The following PTPRD variants were observed in gnomAD, a reference collection of about 807,000 sequenced individuals.
PTPRD encodes protein tyrosine phosphatase receptor type D.
A neutral mutation model predicts 214.5 loss-of-function variants in PTPRD; 34 were observed. That is an observed-to-expected ratio of 0.16 (90% CI 0.12 to 0.21). The LOEUF is 0.21. Among genes scored for constraint, PTPRD ranks in the 10% least tolerant of loss-of-function variants. PTPRD has a pLI of 1.00. For synonymous variants in PTPRD, 1,128 were observed against 845.7 expected (o/e 1.33, Z -5.79); for missense variants, 2,545 against 2,398.7 (o/e 1.06, Z -1.27).
At chr9:8,819,304 T>C (rs549333366) in intron 11 of PTPRD, among the ~76,000 whole-genome samples, 1 of 152,228 alleles carries the variant, frequency 6.6e-6, no homozygotes, top group East Asian at 1.9e-4. Flanking sequence ...ATATGTGAGG[T>C]AGACTGATCT....
chr9:10,082,617 A>G (rs2098258796), intron 3 of PTPRD, among the ~76,000 whole-genome samples: 1 of 152,018 alleles, frequency 6.6e-6, no homozygotes, highest in Non-Finnish European at 1.5e-5. Context: ...TGAGCATTTG[A>G]GAAGTTATAA....
At chr9:10,379,884 G>A in intron 2 of PTPRD, among the ~76,000 whole-genome samples, 1 of 152,066 alleles carries the variant, frequency 6.6e-6, no homozygotes, top group Middle Eastern at 3.4e-3. Flanking sequence ...TTTAGTTAAT[G>A]TATTTTATTT....
chr9:9,517,457 T>C (rs1307402321), intron 8 of PTPRD, among the ~76,000 whole-genome samples: 1 of 152,058 alleles, frequency 6.6e-6, no homozygotes, highest in Non-Finnish European at 1.5e-5. Flanking sequence ...TAGAGTTAAT[T>C]AAAGATGGCC....
chr9:10,135,427 T>A (rs1259418539), intron 3 of PTPRD, among the ~76,000 whole-genome samples: 1 of 152,038 alleles, frequency 6.6e-6, no homozygotes, highest in East Asian at 1.9e-4. Flanking sequence ...TACATAGTCA[T>A]CGGATTCGCC....
At chr9:8,491,382 G>A (rs769830536) in intron 27 of PTPRD, among the ~76,000 whole-genome samples, 7 of 152,124 alleles carry the variant, frequency 4.6e-5, no homozygotes, top group Non-Finnish European at 7.4e-5. Flanking sequence ...CATATTCCTC[G>A]GCTATAAATC....
At chr9:9,186,120 A>G (rs2099931290) in intron 9 of PTPRD, among the ~76,000 whole-genome samples, 1 of 152,132 alleles carries the variant, frequency 6.6e-6, no homozygotes, top group African/African-American at 2.4e-5. Context: ...TTGAGAAAAA[A>G]TAGATGATAA....
At chr9:10,302,205 C>A (rs549228283) in intron 3 of PTPRD, among the ~76,000 whole-genome samples, 2 of 152,302 alleles carry the variant, frequency 1.3e-5, no homozygotes, top group South Asian at 2.1e-4. Flanking sequence ...CCTTTATAGG[C>A]AAGCAAATGC....
At chr9:8,914,697 G>A (rs1008614504) in intron 11 of PTPRD, among the ~76,000 whole-genome samples, 5 of 152,178 alleles carry the variant, frequency 3.3e-5, no homozygotes, top group South Asian at 2.1e-4. Flanking sequence ...TAATGCTTAC[G>A]AAAGCATAAT....
chr9:9,302,601 CTTTTTT>C (rs3047853), intron 9 of PTPRD, among the ~76,000 whole-genome samples: 13,716 of 111,984 alleles, frequency 0.12, 578 homozygotes, highest in Middle Eastern at 0.3. Flanking sequence ...TTTTTTTTTT[CTTTTTT>C]TTTTTTTTTT....
chr9:8,842,516 C>T (rs886191965), intron 11 of PTPRD, among the ~76,000 whole-genome samples: 2 of 152,064 alleles, frequency 1.3e-5, no homozygotes, highest in African/African-American at 4.8e-5. Flanking sequence ...ATGGCTGTTC[C>T]ATTACATCTC....
chr9:9,173,366 T>G (rs1272395108), intron 10 of PTPRD, among the ~76,000 whole-genome samples: 1 of 152,194 alleles, frequency 6.6e-6, no homozygotes, highest in Admixed American at 6.6e-5. Context: ...GGGTGTCTAT[T>G]CGGATGGGTT....
intron 9 of PTPRD, among the ~76,000 whole-genome samples, chr9:9,244,446 C>T (rs1332163566): frequency 6.6e-6 from 1 of 152,044 alleles, no homozygotes; most frequent in Admixed American, 6.6e-5. Context: ...GAGATATAGA[C>T]CAATGGAACA....
chr9:8,822,589 A>C (rs917691469), intron 11 of PTPRD, among the ~76,000 whole-genome samples: 1 of 152,322 alleles, frequency 6.6e-6, no homozygotes, highest in East Asian at 1.9e-4. Flanking sequence ...TAAAGTAATT[A>C]TGGAAGTCAA....
chr9:9,940,665 T>A (rs567891761), intron 4 of PTPRD, among the ~76,000 whole-genome samples: 2 of 152,286 alleles, frequency 1.3e-5, no homozygotes, highest in South Asian at 2.1e-4. Flanking sequence ...AGCTCTCCTG[T>A]TGAAATACAA....
intron 11 of PTPRD, among the ~76,000 whole-genome samples, chr9:8,912,418 T>C (rs201281178): frequency 2.0e-5 from 3 of 152,244 alleles, no homozygotes; most frequent in East Asian, 3.9e-4. Flanking sequence ...TACTACACAT[T>C]GTATGACTCA....
At chr9:10,593,123 T>C (rs1158682723) in intron 2 of PTPRD, among the ~76,000 whole-genome samples, 3 of 151,916 alleles carry the variant, frequency 2.0e-5, no homozygotes, top group Admixed American at 2.0e-4. Context: ...TATAATACAA[T>C]GTGGCACTTT....
chr9:9,956,396 C>T (rs1320208579), intron 4 of PTPRD, among the ~76,000 whole-genome samples: 1 of 151,806 alleles, frequency 6.6e-6, no homozygotes, highest in African/African-American at 2.4e-5. Flanking sequence ...CTGCACGAAC[C>T]TGAAAGATTA....
chr9:10,400,328 T>C (rs913815621), intron 2 of PTPRD, among the ~76,000 whole-genome samples: 1 of 151,862 alleles, frequency 6.6e-6, no homozygotes, highest in Admixed American at 6.6e-5. Context: ...GTGGTTATTA[T>C]ATTATTACTA....
At chr9:9,890,719 G>A (rs540388024) in intron 5 of PTPRD, among the ~76,000 whole-genome samples, 14 of 151,870 alleles carry the variant, frequency 9.2e-5, no homozygotes, top group Admixed American at 2.6e-4. Context: ...GAAGTTACTG[G>A]TGCCATTTCC....
Sources: gnomAD v4.1 joint callset for allele counts (sites outside exome capture counted in the v4.1 genomes callset) on GRCh38, gnomAD v4.1.1 for gene constraint, MANE v1.5 for transcripts, NCBI Gene and HGNC (gene_info 2026-07-23, HGNC 2026-07-21) for gene names.